The following RRM2 variants were observed in gnomAD, a reference collection of about 807,000 sequenced individuals.
The protein encoded by RRM2 is ribonucleotide reductase regulatory subunit M2.
Under a neutral mutation model 45.9 loss-of-function variants are expected in RRM2, and 6 were observed. That is an observed-to-expected ratio of 0.13 (90% CI 0.07 to 0.26). RRM2 has a LOEUF of 0.26. Ranked by LOEUF, RRM2 falls within the 10% of genes least tolerant of loss-of-function variation. The pLI, the probability that RRM2 is intolerant of heterozygous loss-of-function variation, is 1.00. For missense variants in RRM2, 343 were observed against 489.5 expected, an observed-to-expected ratio of 0.70 and a Z score of 2.82; for synonymous variants, 177 against 173.0, an observed-to-expected ratio of 1.02 and a Z score of -0.18.
exon 4 of RRM2, chr2:10,210,699 G>A (rs1664747063): frequency 1.8e-6 from 2 of 1,099,690 alleles, no homozygotes; most frequent in Non-Finnish European, 2.5e-6. Context: ...GGGAAACTGG[G>A]GTGATGTGAG....
chr2:10,210,215 C>T lies in RRM2; in HGVS notation n.483-96C>T, dbSNP rs900139647. On this transcript the variant is annotated intron_variant and non_coding_transcript_variant, in intron 3 of 3. Coordinates refer to the RRM2 transcript ENST00000381786. ...CAGGAACCAGCCCTTGGCCATGTTC[C>T]GGCTCCCTAGTGCCCAGTATGTGTT... The T allele has an allele frequency of 1.8e-4, 136 of 767,138 alleles. 1 individual carries two copies. The highest frequency in any genetic ancestry group is 2.3e-4 in the South Asian group (15 of 63,862). The allele number at this position is 767,138 out of a possible 1,614,324, so 47.5% of individuals were successfully genotyped here.
At chr2:10,141,718 A>G in intron 1 of RRM2, 2 of 1,257,796 alleles carry the variant, frequency 1.6e-6, no homozygotes, top group Non-Finnish European at 2.2e-6. Context: ...AGGAAAGAGC[A>G]GGTGAGGGTG....
At chr2:10,141,879 G>T (rs1191610500) in exon 2 of RRM2, 1 of 1,568,234 alleles carries the variant, frequency 6.4e-7, no homozygotes, top group Admixed American at 1.9e-5. Flanking sequence ...GAAGTGCAAA[G>T]CAGATGGAGT....
chr2:10,179,179 G>A (rs1053007573), intron 3 of RRM2, among the ~76,000 whole-genome samples: 1 of 152,126 alleles, frequency 6.6e-6, no homozygotes, highest in African/African-American at 2.4e-5. Flanking sequence ...TTGAGACAGA[G>A]TCTCACTCTG....
chr2:10,186,971 C>T (rs1421452835), intron 3 of RRM2, among the ~76,000 whole-genome samples: 3 of 152,228 alleles, frequency 2.0e-5, no homozygotes, highest in South Asian at 4.1e-4. Flanking sequence ...AGCTCTGGTG[C>T]CCAGGAGTCC....
At position 10,129,010 on chromosome 2, in the gene RRM2, T is replaced by C. The variant is rs771484457; in HGVS notation, c.904-31T>C. The C allele has an allele frequency of 7.4e-6, 12 of 1,610,746 alleles. No individual in the cohort carries two copies. Among genetic ancestry groups the C allele is most frequent in the Non-Finnish European group, 1.0e-5 (12 of 1,177,038 alleles). ...TTGCTAGAAAATGCCTGTGCTTTAG[T>C]TGTATTCAGAAGCTGTATTTTGGTT... On this transcript the variant is annotated intron_variant, in intron 8 of 9. Transcript: ENST00000304567. This position sits in a 1 kb window ranked among gnomAD's most constrained non-coding sequence, Gnocchi z 4.8.
At position 10,127,259 on chromosome 2, in the gene RRM2, A is replaced by G. The variant is rs184015149; in HGVS notation, c.798+39A>G. 4.5e-4 allele frequency: 715 copies of G among 1,598,838 alleles called. 1 individual carries two copies. Among genetic ancestry groups the G allele is most frequent in the Non-Finnish European group, 5.3e-4 (620 of 1,173,028 alleles). On this transcript the variant is annotated intron_variant, in intron 7 of 9. Coordinates refer to ENST00000304567, the MANE Select transcript of RRM2 (RefSeq NM_001034.4). This position sits in a 1 kb window ranked among gnomAD's most constrained non-coding sequence, Gnocchi z 4.1. ...AAATAATAGGGTGACCTAAACCCCA[A>G]ACACAACTCGGGCATGCTCTTGTGT...
At chr2:10,180,315 T>G (rs1264510182) in intron 3 of RRM2, among the ~76,000 whole-genome samples, 2 of 152,222 alleles carry the variant, frequency 1.3e-5, no homozygotes, top group Admixed American at 6.5e-5. Flanking sequence ...CTGGAGGTTA[T>G]TATAACTAAA....
At chr2:10,170,366 C>T (rs1278678992) in intron 3 of RRM2, among the ~76,000 whole-genome samples, 2 of 152,036 alleles carry the variant, frequency 1.3e-5, no homozygotes, top group African/African-American at 4.8e-5. Context: ...GGTCACTTGG[C>T]CAGGTCACTT....
At chr2:10,153,622 G>A (rs1389001776) in intron 3 of RRM2, among the ~76,000 whole-genome samples, 1 of 152,102 alleles carries the variant, frequency 6.6e-6, no homozygotes, top group Non-Finnish European at 1.5e-5. Flanking sequence ...GCAATACCAA[G>A]GGAAACAGTA....
At chr2:10,184,587 C>G (rs1178849999) in intron 3 of RRM2, among the ~76,000 whole-genome samples, 2 of 152,262 alleles carry the variant, frequency 1.3e-5, no homozygotes, top group Non-Finnish European at 2.9e-5. Flanking sequence ...GGGACAGAGG[C>G]AGCACCCGCC....
rs757765707 is a variant in RRM2 at position 10,142,396 on chromosome 2, G to A, written n.482+21G>A. On this transcript the variant is annotated intron_variant and non_coding_transcript_variant, in intron 3 of 3. Transcript: ENST00000381786. ...TTCAGGTGAGAAATGATGGCAACTCGCACGGTGGGGGAAGAGGGGCCACTG... is the reference window on the plus strand; with the variant it reads ...TTCAGGTGAGAAATGATGGCAACTCACACGGTGGGGGAAGAGGGGCCACTG... The A allele has an allele frequency of 8.0e-6, 11 of 1,368,668 alleles. No homozygotes were observed. The African/African-American group carries it at 8.9e-5, about 11-fold the overall frequency. The allele number at this position is 1,368,668 out of a possible 1,614,324, so 84.8% of individuals were successfully genotyped here.
rs147341976 is a variant in RRM2, at chr2:10,205,693, T to A, written n.483-4618T>A. Among the ~76,000 whole-genome samples the A allele has an allele frequency of 4.1e-3, 631 of 152,168 alleles. 12 individuals are homozygous for A. In the East Asian group the frequency reaches 0.058, roughly 14 times the overall value. On this transcript the variant is annotated intron_variant and non_coding_transcript_variant, in intron 3 of 3. Transcript: ENST00000381786. This position sits in a 1 kb window ranked among gnomAD's most constrained non-coding sequence, Gnocchi z 4.8. ...GGTCCTTTTTATTTTTATTTTATTTTATTTATTTATTTTTTTGAGATGGAG... is the reference window on the plus strand; with the variant it reads ...GGTCCTTTTTATTTTTATTTTATTTAATTTATTTATTTTTTTGAGATGGAG...
chr2:10,137,598 A>G (rs973142617), upstream of RRM2, among the ~76,000 whole-genome samples: 1 of 152,228 alleles, frequency 6.6e-6, no homozygotes, highest in African/African-American at 2.4e-5. Flanking sequence ...ACTATGCTAG[A>G]AAGGTAGCTT....
In RRM2 at chr2:10,169,147, A is replaced by T. The variant is rs1285541843; in HGVS notation, n.482+26772A>T. Among the ~76,000 whole-genome samples the T allele has an allele frequency of 2.2e-5, 3 of 137,568 alleles. No individual in the cohort carries two copies. The highest frequency in any genetic ancestry group is 2.7e-5 in the African/African-American group (1 of 37,124). 90.2% of individuals were successfully genotyped at this position (137,568 alleles called of 152,430 possible). A position where few individuals can be genotyped will look rare whatever the true frequency, so the allele number is the denominator to read the frequency against. On this transcript the variant is annotated intron_variant and non_coding_transcript_variant, in intron 3 of 3. Transcript: ENST00000381786. This position sits in a 1 kb window ranked among gnomAD's most constrained non-coding sequence, Gnocchi z 5.1. ...GTCACCATGCCCAGCTACTTTTTGT[A>T]TTTTTTTTTTTTTTTGTAGAGATGG...
intron 3 of RRM2, among the ~76,000 whole-genome samples, chr2:10,199,593 A>G (rs900351521): frequency 6.6e-6 from 1 of 151,780 alleles, no homozygotes; most frequent in Non-Finnish European, 1.5e-5. Context: ...CATCCTGGCT[A>G]ACACAGTGAA....
At chr2:10,155,151 G>C (rs376647783) in intron 3 of RRM2, 9 of 334,960 alleles carry the variant, frequency 2.7e-5, no homozygotes, top group African/African-American at 1.1e-4. Flanking sequence ...CATCACTCTC[G>C]GATCCTGTTT....
At chr2:10,200,468 G>GCGCA (rs1664532961) in intron 3 of RRM2, among the ~76,000 whole-genome samples, 3 of 32,040 alleles carry the variant, frequency 9.4e-5, no homozygotes, top group Admixed American at 3.5e-4. Context: ...GACCGCGCGC[G>GCGCA]CAAAATATGA....
chr2:10,141,410 CTGTGCTAGGATGT>C (rs1256963499), exon 1 of RRM2: 4 of 169,700 alleles, frequency 2.4e-5, no homozygotes, highest in Non-Finnish European at 5.1e-5. Context: ...GCATCTCATG[CTGTGCTAGGATGT>C]TGTCCCCATG....
Sources: allele counts gnomAD v4.1 joint callset (sites outside exome capture counted in the v4.1 genomes callset), GRCh38; gene constraint gnomAD v4.1.1; non-coding constraint Gnocchi (gnomAD v3.1); transcripts MANE v1.5; gene names NCBI Gene and HGNC (gene_info 2026-07-23, HGNC 2026-07-21).